The following CA6 variants were observed in gnomAD, a reference collection of about 807,000 sequenced individuals.
CA6 encodes carbonic anhydrase 6.
In CA6, 28 loss-of-function variants were observed where a neutral mutation model predicts 35.9. The observed-to-expected ratio is 0.78, with a 90% CI of 0.58 to 1.07. CA6 has a LOEUF of 1.07. Ranked by LOEUF, CA6 falls within the 50% of genes least tolerant of loss-of-function variation. The probability of loss-of-function intolerance (pLI) is 0.00; values close to 1 mark genes in which losing one functional copy is unlikely to be tolerated. For synonymous variants in CA6, 148 were observed against 152.6 expected, an observed-to-expected ratio of 0.97 and a Z score of 0.22; for missense variants, 377 against 382.0, an observed-to-expected ratio of 0.99 and a Z score of 0.11.
At chr1:8,956,445 A>T (rs1324667306) in intron 2 of CA6, among the ~76,000 whole-genome samples, 4 of 152,030 alleles carry the variant, frequency 2.6e-5, no homozygotes, top group Admixed American at 1.3e-4. Context: ...GGATCACTTG[A>T]GGTCAGGAGT....
At chr1:8,947,095 C>A (rs763458926) in intron 1 of CA6, among the ~76,000 whole-genome samples, 1 of 152,048 alleles carries the variant, frequency 6.6e-6, no homozygotes, top group Non-Finnish European at 1.5e-5. Flanking sequence ...TGAGCCACCG[C>A]GCCAGGCCCC....
intron 5 of CA6, among the ~76,000 whole-genome samples, chr1:8,964,675 A>G (rs1357459940): frequency 6.6e-6 from 1 of 152,024 alleles, no homozygotes; most frequent in African/African-American, 2.4e-5. Flanking sequence ...AGCTTCCCCC[A>G]GTTCTCTGGC....
At chr1:8,973,710 C>CTCTCTTTCTTTCTT (rs1553164134) in intron 7 of CA6, among the ~76,000 whole-genome samples, 1 of 106,510 alleles carries the variant, frequency 9.4e-6, no homozygotes. Flanking sequence ...TTCTTTCTCT[C>CTCTCTTTCTTTCTT]TCTTTCTTTC....
At chr1:8,949,124 G>A (rs192831854) in intron 1 of CA6, 139 bp from the exon 2 acceptor site, 10 of 569,190 alleles carry the variant, frequency 1.8e-5, no homozygotes, top group Non-Finnish European at 3.0e-5. Flanking sequence ...TCCTTCTGGG[G>A]GACCTGCTTC....
chr1:8,958,157 G>A (rs1259867929), intron 3 of CA6, among the ~76,000 whole-genome samples: 1 of 151,946 alleles, frequency 6.6e-6, no homozygotes, highest in Non-Finnish European at 1.5e-5. Flanking sequence ...GGATTTCTAT[G>A]TGTTAGATTT....
chr1:8,951,764 A>G, intron 2 of CA6: 2 of 705,098 alleles, frequency 2.8e-6, no homozygotes, highest in Non-Finnish European at 5.1e-6. Flanking sequence ...ACCTCACACG[A>G]CAGCATGTCG....
At chr1:8,947,311 C>A (rs549935694) in intron 1 of CA6, among the ~76,000 whole-genome samples, 2 of 152,046 alleles carry the variant, frequency 1.3e-5, no homozygotes, top group Non-Finnish European at 2.9e-5. Flanking sequence ...AGGCTGGTGG[C>A]CGCTGGCTGA....
chr1:8,959,710 T>A (rs972050002), intron 4 of CA6, among the ~76,000 whole-genome samples: 3 of 151,716 alleles, frequency 2.0e-5, no homozygotes, highest in Admixed American at 2.0e-4. Flanking sequence ...GGTGGATGGA[T>A]CACTTGGGGT....
Position 8,967,703 on chromosome 1 carries a change from C to G in CA6, c.616C>G (p.Pro206Ala), listed in dbSNP as rs1640005607. Residue 206 changes from proline to alanine, a missense_variant, in exon 6 of 8, where the codon CCC (proline) becomes GCC (alanine). By Grantham distance (27) the Pro-to-Ala change is conservative. Transcript: ENST00000377443. The stretch of plus-strand genomic sequence containing the variant: ...TGGCCTTGACGTTCAGGACATGCTG[C>G]CCAGGAACCTCCAGCACTACTACAC... Reference protein sequence around the residue: ...LTGLDVQDMLPRNLQHYYTYH... With the variant: ...LTGLDVQDMLARNLQHYYTYH... The G allele has an allele frequency of 6.2e-7, 1 of 1,613,986 alleles. No homozygotes were observed. Among genetic ancestry groups the G allele is most frequent in the East Asian group, 2.2e-5 (1 of 44,884 alleles).
At chr1:8,960,209 T>C in intron 4 of CA6, among the ~76,000 whole-genome samples, 1 of 148,866 alleles carries the variant, frequency 6.7e-6, no homozygotes, top group East Asian at 2.0e-4. Context: ...CCAGCCTGGA[T>C]GACAGAGCGA....
intron 2 of CA6, among the ~76,000 whole-genome samples, chr1:8,950,596 T>C (rs558941519): frequency 1.3e-5 from 2 of 152,118 alleles, no homozygotes; most frequent in South Asian, 2.1e-4. Context: ...TGGCCAGGCA[T>C]GGTGGCTCAT....
chr1:8,953,491 A>G (rs914536953), intron 2 of CA6, among the ~76,000 whole-genome samples: 2 of 152,108 alleles, frequency 1.3e-5, no homozygotes, highest in Non-Finnish European at 2.9e-5. Context: ...TGGTGGCTCA[A>G]ACATACAGTC....
intron 4 of CA6, among the ~76,000 whole-genome samples, chr1:8,960,914 A>C (rs1221455497): frequency 6.6e-6 from 1 of 152,148 alleles, no homozygotes; most frequent in Non-Finnish European, 1.5e-5. Context: ...TCAATCCAAG[A>C]AACTAAAAAT....
intron 6 of CA6, 22 bp from the exon 7 acceptor site, chr1:8,970,845 A>G: frequency 5.0e-6 from 7 of 1,412,388 alleles, no homozygotes; most frequent in Non-Finnish European, 7.0e-6. Flanking sequence ...TCCCCTCCAT[A>G]ATGCACTCAC....
chr1:8,969,196 TC>T (rs1204721938), intron 6 of CA6, among the ~76,000 whole-genome samples: 3 of 151,722 alleles, frequency 2.0e-5, no homozygotes, highest in Non-Finnish European at 2.9e-5. Flanking sequence ...GAACCTATAA[TC>T]CCAGCCACTC....
At chr1:8,972,666 G>C (rs1382731520) in intron 7 of CA6, among the ~76,000 whole-genome samples, 1 of 152,048 alleles carries the variant, frequency 6.6e-6, no homozygotes, top group Non-Finnish European at 1.5e-5. Context: ...CTGGGCGACA[G>C]AGAGAGACTC....
chr1:8,973,764 CT>C lies in CA6; in HGVS notation c.845-855del, dbSNP rs748354107. Among the ~76,000 whole-genome samples, 35 of 22,440 alleles carry C rather than the reference CT, an allele frequency of 1.6e-3. 1 individual carries two copies. The highest frequency in any genetic ancestry group is 0.043 in the East Asian group (2 of 46). 14.7% of individuals were successfully genotyped at this position (22,440 alleles called of 152,430 possible). On this transcript the variant is annotated intron_variant, in intron 7 of 7. Transcript: ENST00000377443. ...TCTTTCTTTCTTTCTTTCTTTCTTT[CT>C]TTCTTTCTTTCTTTCTTTCTTTTCC...
At chr1:8,962,894 TG>T (rs1475919275) in intron 5 of CA6, among the ~76,000 whole-genome samples, 1 of 152,194 alleles carries the variant, frequency 6.6e-6, no homozygotes, top group Non-Finnish European at 1.5e-5. Flanking sequence ...TTCCCATGAT[TG>T]GAACTTCTGA....
chr1:8,973,062 G>A (rs1386006836), intron 7 of CA6, among the ~76,000 whole-genome samples: 1 of 152,078 alleles, frequency 6.6e-6, no homozygotes, highest in African/African-American at 2.4e-5. Flanking sequence ...TGTCGCCCAG[G>A]CTGGAGTGCA....
Sources: allele counts gnomAD v4.1 joint callset (sites outside exome capture counted in the v4.1 genomes callset), GRCh38; gene constraint gnomAD v4.1.1; transcripts MANE v1.5; gene names NCBI Gene and HGNC (gene_info 2026-07-23, HGNC 2026-07-21).